DERPC: variants seen among roughly 807,000 people sequenced by gnomAD.
DERPC encodes the protein DERPC proline and glycine rich nuclear protein, also known as decreased expression in renal and prostate cancer protein.
DERPC carries 1 observed loss-of-function variant against 7.2 expected under a neutral mutation model. The observed-to-expected ratio is 0.14, with a 90% confidence interval of 0.05 to 0.66. The LOEUF is 0.66. Ranked by LOEUF, DERPC falls within the 30% of genes least tolerant of loss-of-function variation. The pLI, the probability that DERPC is intolerant of heterozygous loss-of-function variation, is 0.84. For synonymous variants in DERPC, 185 were observed against 117.6 expected, an observed-to-expected ratio of 1.57 and a Z score of -3.71; for missense variants, 502 against 299.4, an observed-to-expected ratio of 1.68 and a Z score of -4.99.
At chr16:69,122,539 A>ATTTTT (rs764144816) in intron 1 of DERPC, among the ~76,000 whole-genome samples, 2 of 130,746 alleles carry the variant, frequency 1.5e-5, no homozygotes, top group African/African-American at 5.7e-5. Flanking sequence ...TACCCAGCTA[A>ATTTTT]TTTTTTTTTT....
chr16:69,130,986 G>A (rs992261275), intron 1 of DERPC, among the ~76,000 whole-genome samples: 2 of 152,162 alleles, frequency 1.3e-5, no homozygotes, highest in African/African-American at 4.8e-5. Context: ...AACTCAGAAC[G>A]TTTTACATAC....
intron 1 of DERPC, among the ~76,000 whole-genome samples, chr16:69,128,420 T>G (rs1290356545): frequency 6.6e-6 from 1 of 152,160 alleles, no homozygotes; most frequent in Non-Finnish European, 1.5e-5. Flanking sequence ...CTTGGAAAGA[T>G]AAGAAGGTAT....
In DERPC at chr16:69,120,925, G is replaced by C; in HGVS notation, c.-221-276C>G. On this transcript the variant is annotated intron_variant, in intron 2 of 2. Transcript: ENST00000519520. The surrounding 1 kb of genome is among the most constrained non-coding windows in gnomAD (Gnocchi z 4.0). ...CAGAGGTAGGGGGAGAACAAGCAGAGAGCATCGCAGATTAGCTAGGCCTTG... is the reference window on the plus strand; with the variant it reads ...CAGAGGTAGGGGGAGAACAAGCAGACAGCATCGCAGATTAGCTAGGCCTTG... 2 of 844,858 alleles carry C rather than the reference G, an allele frequency of 2.4e-6. No individual in the cohort carries two copies. Among genetic ancestry groups the C allele is most frequent in the Non-Finnish European group, 4.2e-6 (2 of 479,578 alleles). The allele number at this position is 844,858 out of a possible 1,614,324, so 52.3% of individuals were successfully genotyped here.
In DERPC at chr16:69,120,136, AAAG is replaced by A; in HGVS notation, c.290_292del (p.Ser97del). 1.4e-6 allele frequency: 1 copy of A among 701,368 alleles called. No homozygotes were observed. Among genetic ancestry groups the A allele is most frequent in the Non-Finnish European group, 2.6e-6 (1 of 384,930 alleles). 43.4% of individuals were successfully genotyped at this position (701,368 alleles called of 1,614,324 possible). On this transcript the variant is annotated inframe_deletion, in exon 3 of 3. Transcript: ENST00000519520. This position sits in a 1 kb window ranked among gnomAD's most constrained non-coding sequence, Gnocchi z 4.0. ...GCCAGTGGGATTCATCCCTCTTGGA[AAAG>A]AAGCCATACTTGGGTCACGAGCACC...
At position 69,127,312 on chromosome 16, in the gene DERPC, T is replaced by C. The variant is rs935645584; in HGVS notation, c.-280+5172A>G. ...TCCCCTTGAGAGTAGACAGAGTGAG[T>C]AGAAAAAAGAGGTGGGGAAGAAGTA... is the stretch of plus-strand genomic sequence containing the variant. On this transcript the variant is annotated intron_variant, in intron 1 of 2. Transcript: ENST00000519520. Among the ~76,000 whole-genome samples, 5 of 147,998 alleles carry C rather than the reference T, an allele frequency of 3.4e-5. No individual in the cohort carries two copies. In the East Asian group the frequency reaches 5.9e-4, roughly 17 times the overall value.
Position 69,118,331 on chromosome 16 carries a change from C to CCAT in DERPC, c.*520_*522dup, listed in dbSNP as rs1961321010. ...GTGGGTCTTTCTTTGAAGTGGTTGT[C>CCAT]CATCTCCCTGTTCTGTGTTCAAGCC... On this transcript the variant is annotated 3_prime_UTR_variant, in exon 3 of 3. Transcript: ENST00000519520. The CCAT allele has an allele frequency of 2.9e-6, 4 of 1,400,640 alleles. No homozygotes were observed. The highest frequency in any genetic ancestry group is 2.8e-5 in the African/African-American group (2 of 70,914). 86.8% of individuals were successfully genotyped at this position (1,400,640 alleles called of 1,614,324 possible). A position where few individuals can be genotyped will look rare whatever the true frequency, so the allele number is the denominator to read the frequency against.
At position 69,120,066 on chromosome 16, in the gene DERPC, T is replaced by C. The variant is rs1961513542; in HGVS notation, c.363A>G (p.Pro121=). The change falls in exon 3 of 3, where the codon CCA becomes CCG. Residue 121 remains proline (P), a synonymous_variant. Transcript: ENST00000519520. This position sits in a 1 kb window ranked among gnomAD's most constrained non-coding sequence, Gnocchi z 4.0. Reference sequence around the variant, plus strand: ...TTAGGGTGGGGCCTGGGCCTGGGCCTGGCCCCAAGAGGCCACCAGGCCTTG... The same window carrying C: ...TTAGGGTGGGGCCTGGGCCTGGGCCCGGCCCCAAGAGGCCACCAGGCCTTG... ...SFPRPGGLLG[P]GPGPGPTLNP... is the part of the protein sequence containing the mutation. 3 of 691,032 alleles carry C rather than the reference T, an allele frequency of 4.3e-6. No individual in the cohort carries two copies. The highest frequency in any genetic ancestry group is 1.5e-5 in the South Asian group (1 of 66,626). 42.8% of individuals were successfully genotyped at this position (691,032 alleles called of 1,614,324 possible). A position where few individuals can be genotyped will look rare whatever the true frequency, so the allele number is the denominator to read the frequency against.
chr16:69,132,566 G>T lies in DERPC; in HGVS notation c.-362C>A. Reference sequence around the variant, plus strand: ...CCCGCCGCCGTCGCCGCCGCCGCGAGCACTGCCTGCGCACTTCCGACTATG... The same window carrying T: ...CCCGCCGCCGTCGCCGCCGCCGCGATCACTGCCTGCGCACTTCCGACTATG... On this transcript the variant is annotated 5_prime_UTR_variant, in exon 1 of 3. Coordinates refer to ENST00000519520, the MANE Select transcript of DERPC (RefSeq NM_001002847.4). The T allele has an allele frequency of 2.6e-6, 1 of 388,204 alleles. No homozygotes were observed. The highest frequency in any genetic ancestry group is 1.7e-5 in the South Asian group (1 of 57,994). 24.0% of individuals were successfully genotyped at this position (388,204 alleles called of 1,614,324 possible).
chr16:69,131,637 G>T (rs894779394), intron 1 of DERPC, among the ~76,000 whole-genome samples: 1 of 137,798 alleles, frequency 7.3e-6, no homozygotes, highest in African/African-American at 2.8e-5. Context: ...ATTACAAGCT[G>T]TTTTAACCCC....
At chr16:69,128,080 G>T (rs988199200) in intron 1 of DERPC, among the ~76,000 whole-genome samples, 2 of 151,820 alleles carry the variant, frequency 1.3e-5, no homozygotes, top group Non-Finnish European at 2.9e-5. Flanking sequence ...GCGCCTTGCT[G>T]ATTTTTGTAT....
chr16:69,119,660 A>G lies in DERPC; in HGVS notation c.769T>C (p.Leu257=). The change falls in exon 3 of 3, where the codon TTG becomes CTG. Residue 257 remains leucine (L), a synonymous_variant. Coordinates refer to ENST00000519520, the MANE Select transcript of DERPC (RefSeq NM_001002847.4). The part of the protein sequence containing the change: ...PNLDARAGGL[L]GTGSGLNLRM... The stretch of plus-strand genomic sequence containing the variant: ...AAGTTAAGACCAGATCCTGTGCCCA[A>G]GAGGCCACCTGCTCTGGCATCTAGA... 1 of 676,070 alleles carries G rather than the reference A, an allele frequency of 1.5e-6. No individual in the cohort carries two copies. The highest frequency in any genetic ancestry group is 2.7e-5 in the East Asian group (1 of 36,890). The allele number at this position is 676,070 out of a possible 1,614,324, so 41.9% of individuals were successfully genotyped here.
chr16:69,120,312 G>C lies in DERPC; in HGVS notation c.117C>G (p.Asn39Lys). The C allele has an allele frequency of 9.8e-7, 1 of 1,020,332 alleles. No individual in the cohort carries two copies. Among genetic ancestry groups the C allele is most frequent in the Non-Finnish European group, 1.5e-6 (1 of 653,632 alleles). The allele number at this position is 1,020,332 out of a possible 1,614,324, so 63.2% of individuals were successfully genotyped here. A position where few individuals can be genotyped will look rare whatever the true frequency, so the allele number is the denominator to read the frequency against. Reference sequence around the variant, plus strand: ...AGTTCACACCCAGTGGGTGGCCTGTGTTCAGAACAGGACCCCCCTGTGGTC... The same window carrying C: ...AGTTCACACCCAGTGGGTGGCCTGTCTTCAGAACAGGACCCCCCTGTGGTC... ...SLGPQGGPVL[N>K]TGHPLGVNSD... Residue 39 changes from asparagine (N) to lysine (K), a missense_variant, in exon 3 of 3, where the codon AAC (asparagine) becomes AAG (lysine). By Grantham distance (94) the Asn-to-Lys change is moderately conservative (BLOSUM62 0). Transcript: ENST00000519520. The surrounding 1 kb of genome is among the most constrained non-coding windows in gnomAD (Gnocchi z 4.0).
At chr16:69,129,865 G>A (rs1048494338) in intron 1 of DERPC, among the ~76,000 whole-genome samples, 4 of 152,232 alleles carry the variant, frequency 2.6e-5, no homozygotes, top group African/African-American at 9.6e-5. Flanking sequence ...TATCTGTGGG[G>A]TAGGCAGCTA....
In DERPC at chr16:69,121,433, T is replaced by A. The variant is rs761293566; in HGVS notation, c.-222+3A>T. Reference sequence around the variant, plus strand: ...AAATTTTAAAATCTCAAAATGTACTTACCTGGAAATAACAATTTGCACCAT... The same window carrying A: ...AAATTTTAAAATCTCAAAATGTACTAACCTGGAAATAACAATTTGCACCAT... On this transcript the variant is annotated splice_donor_region_variant and intron_variant, in intron 2 of 2. Transcript: ENST00000519520. 13 of 1,606,806 alleles carry A rather than the reference T, an allele frequency of 8.1e-6. No homozygotes were observed. The highest frequency in any genetic ancestry group is 1.1e-5 in the Non-Finnish European group (13 of 1,177,606).
rs899302998 is a variant in DERPC at position 69,123,550 on chromosome 16, G to A, written c.-279-2057C>T. On this transcript the variant is annotated intron_variant, in intron 1 of 2. Transcript: ENST00000519520. Reference sequence around the variant, plus strand: ...CAGGCACCCATAATCCCAGCTATTCGGCAGGCTGAGGTAAGAGAATCACTT... The same window carrying A: ...CAGGCACCCATAATCCCAGCTATTCAGCAGGCTGAGGTAAGAGAATCACTT... Among the ~76,000 whole-genome samples, 18 of 151,990 alleles carry A rather than the reference G, an allele frequency of 1.2e-4. No individual in the cohort carries two copies. In the East Asian group the frequency reaches 1.8e-3, roughly 15 times the overall value.
chr16:69,131,816 C>T (rs751278639), intron 1 of DERPC, among the ~76,000 whole-genome samples: 1 of 151,862 alleles, frequency 6.6e-6, no homozygotes, highest in Non-Finnish European at 1.5e-5. Context: ...CTCCACTCCT[C>T]CAGGACCCCA....
Position 69,121,490 on chromosome 16 carries a change from C to CAAGCTGTAGAGAGAAAAAA in DERPC, c.-279-16_-277dup. The CAAGCTGTAGAGAGAAAAAA allele has an allele frequency of 1.3e-6, 2 of 1,587,996 alleles. No homozygotes were observed. Among genetic ancestry groups the CAAGCTGTAGAGAGAAAAAA allele is most frequent in the Non-Finnish European group, 1.7e-6 (2 of 1,166,254 alleles). ...TCTGTCTTTAAAAAGCAAGTGAAAA[C>CAAGCTGTAGAGAGAAAAAA]AAGCTGTAGAGAGAAAAAAAGAGAT... On this transcript the variant is annotated 5_prime_UTR_variant, in exon 2 of 3. Coordinates refer to ENST00000519520, the MANE Select transcript of DERPC (RefSeq NM_001002847.4).
rs1321622332 is a variant in DERPC, at chr16:69,120,173, A to G, written c.256T>C (p.Phe86Leu). ...SGSLASNPAP[F>L]PAGARDPSMA... ...CTTGGGTCACGAGCACCAGCCGGGAAAGGTGCTGGATTTGAAGCCAATGAG... is the reference window on the plus strand; with the variant it reads ...CTTGGGTCACGAGCACCAGCCGGGAGAGGTGCTGGATTTGAAGCCAATGAG... Residue 86 changes from phenylalanine to leucine, a missense_variant, in exon 3 of 3, where the codon TTC becomes CTC. Physicochemically the swap from Phe to Leu is conservative, Grantham distance 22. Coordinates refer to ENST00000519520, the MANE Select transcript of DERPC (RefSeq NM_001002847.4). This position sits in a 1 kb window ranked among gnomAD's most constrained non-coding sequence, Gnocchi z 4.0. 8 of 701,512 alleles carry G rather than the reference A, an allele frequency of 1.1e-5. No individual in the cohort carries two copies. Among genetic ancestry groups the G allele is most frequent in the Non-Finnish European group, 2.1e-5 (8 of 385,132 alleles). 43.5% of individuals were successfully genotyped at this position (701,512 alleles called of 1,614,324 possible). A position where few individuals can be genotyped will look rare whatever the true frequency, so the allele number is the denominator to read the frequency against.
chr16:69,119,624 C>T lies in DERPC; in HGVS notation c.805G>A (p.Gly269Arg), dbSNP rs1961466254. The T allele has an allele frequency of 2.9e-6, 2 of 691,150 alleles. No homozygotes were observed. The highest frequency in any genetic ancestry group is 5.3e-6 in the Non-Finnish European group (2 of 378,512). 42.8% of individuals were successfully genotyped at this position (691,150 alleles called of 1,614,324 possible). A position where few individuals can be genotyped will look rare whatever the true frequency, so the allele number is the denominator to read the frequency against. ...GGGGCAAGATCGAGGCCTTGAGGTC[C>T]AGCCATTCTTAAGTTAAGACCAGAT... is the stretch of plus-strand genomic sequence containing the variant. ...TGSGLNLRMAGPQGLDLAPIL... is the reference protein window; with the variant it reads ...TGSGLNLRMARPQGLDLAPIL... The change falls in exon 3 of 3, where the codon GGA becomes AGA. Residue 269 changes from glycine (G) to arginine (R), a missense_variant. By Grantham distance (125) the Gly-to-Arg change is moderately radical (BLOSUM62 -2). Transcript: ENST00000519520.
Sources: allele counts gnomAD v4.1 joint callset (sites outside exome capture counted in the v4.1 genomes callset), GRCh38; gene constraint gnomAD v4.1.1; non-coding constraint Gnocchi (gnomAD v3.1); transcripts MANE v1.5; gene names NCBI Gene and HGNC (gene_info 2026-07-23, HGNC 2026-07-21).